SLC6A4: variants seen among roughly 807,000 people sequenced by gnomAD.
SLC6A4 encodes sodium-dependent serotonin transporter.
SLC6A4 carries 22 observed loss-of-function variants against 73.4 expected under a neutral mutation model. That is an observed-to-expected ratio of 0.30 (90% CI 0.21 to 0.43). The LOEUF (loss-of-function observed/expected upper bound fraction) is 0.43. SLC6A4 is among the 20% of genes least tolerant of loss of function. The probability of loss-of-function intolerance (pLI) is 1.00; values close to 1 mark genes in which losing one functional copy is unlikely to be tolerated. For synonymous variants in SLC6A4, 270 were observed against 315.5 expected, an observed-to-expected ratio of 0.86 and a Z score of 1.53; for missense variants, 593 against 808.5, an observed-to-expected ratio of 0.73 and a Z score of 3.23.
intron 11 of SLC6A4, among the ~76,000 whole-genome samples, chr17:30,209,570 G>A (rs1009411034): frequency 2.0e-5 from 3 of 151,484 alleles, no homozygotes; most frequent in South Asian, 2.1e-4. Context: ...TTGCTTGAAC[G>A]AGAGGCAGAG....
intron 2 of SLC6A4, 48 bp from the exon 3 acceptor site, chr17:30,222,129 C>A: frequency 7.8e-7 from 1 of 1,289,132 alleles, no homozygotes; most frequent in South Asian, 1.4e-5. Context: ...AGACATTTTA[C>A]TCATCTTTGG....
intron 8 of SLC6A4, among the ~76,000 whole-genome samples, chr17:30,214,999 C>CCTTCCTTT (rs1906519389): frequency 7.3e-5 from 2 of 27,414 alleles, no homozygotes; most frequent in Admixed American, 5.4e-4. Flanking sequence ...TTCCTTCCTT[C>CCTTCCTTT]CTTTCTTTCT....
chr17:30,210,265 C>A (rs1166000808), intron 11 of SLC6A4, among the ~76,000 whole-genome samples: 1 of 152,136 alleles, frequency 6.6e-6, no homozygotes, highest in Non-Finnish European at 1.5e-5. Flanking sequence ...GTTTTTGAAG[C>A]CTGAAATCTA....
rs746112444 is a variant in SLC6A4 at position 30,207,208 on chromosome 17, G to T, written c.1650+524C>A. On this transcript the variant is annotated intron_variant, in intron 13 of 14. Transcript: ENST00000650711. ...ATGGTGTTAGGAGTCAGAAGGGTGG[G>T]GAACCATGGTGGGCATAGTGGCTGG... Among the ~76,000 whole-genome samples, 169 of 152,110 alleles carry T rather than the reference G, an allele frequency of 1.1e-3. 1 individual carries two copies. Among genetic ancestry groups the T allele is most frequent in the Non-Finnish European group, 2.0e-3 (136 of 68,020 alleles).
chr17:30,203,496 T>A, intron 13 of SLC6A4, 157 bp from the exon 14 acceptor site: 1 of 649,154 alleles, frequency 1.5e-6, no homozygotes, highest in Non-Finnish European at 2.6e-6. Flanking sequence ...CACACAGAAT[T>A]ACCAACTTCT....
intron 5 of SLC6A4, 146 bp downstream of exon 5, chr17:30,217,966 CCCAGCT>C: frequency 1.6e-6 from 1 of 643,826 alleles, no homozygotes; most frequent in East Asian, 2.7e-5. Context: ...GGTAGAGTTT[CCCAGCT>C]CCAAATTCTG....
intron 8 of SLC6A4, among the ~76,000 whole-genome samples, 185 bp downstream of exon 8, chr17:30,215,426 C>T (rs568044389): frequency 4.6e-5 from 7 of 152,336 alleles, no homozygotes; most frequent in Admixed American, 1.3e-4. Context: ...GGTGAAGCCA[C>T]GGCCTGGATG....
In SLC6A4 at chr17:30,211,391, G is replaced by A. The variant is rs781619709; in HGVS notation, c.1238C>T (p.Ala413Val). ...AGTGGACGCTGGCATGTTGGCTATC[G>A]CTTCTGCATACGTGATGAAGAGGAG... Reference protein sequence around the residue: ...PSLLFITYAEAIANMPASTFF... With the variant: ...PSLLFITYAEVIANMPASTFF... The change falls in exon 10 of 15, where the codon GCG becomes GTG. Residue 413 changes from alanine to valine, a missense_variant. Transcript: ENST00000650711. This position sits in a 1 kb window ranked among gnomAD's most constrained non-coding sequence, Gnocchi z 4.0. The A allele has an allele frequency of 2.4e-5, 38 of 1,613,518 alleles. No individual in the cohort carries two copies. The highest frequency in any genetic ancestry group is 5.0e-5 in the Admixed American group (3 of 59,998).
chr17:30,222,293 A>T (rs148127817), intron 2 of SLC6A4, among the ~76,000 whole-genome samples: 1 of 152,366 alleles, frequency 6.6e-6, no homozygotes, highest in African/African-American at 2.4e-5. Flanking sequence ...AAGTAATTTC[A>T]AAAGGAAACA....
At chr17:30,220,369 C>T (rs1381126920) in intron 3 of SLC6A4, among the ~76,000 whole-genome samples, 1 of 152,198 alleles carries the variant, frequency 6.6e-6, no homozygotes, top group Admixed American at 6.5e-5. Flanking sequence ...TTCCCCACTG[C>T]TCTGCTCTCC....
chr17:30,230,110 A>G (rs938727801), intron 1 of SLC6A4, among the ~76,000 whole-genome samples: 2,364 of 127,090 alleles, frequency 0.019, 93 homozygotes, highest in African/African-American at 0.072. Context: ...AGGAAGAGGA[A>G]GAGGAAGAGG....
intron 13 of SLC6A4, chr17:30,204,365 T>C (rs567364958): frequency 6.6e-6 from 1 of 152,260 alleles, no homozygotes; most frequent in South Asian, 2.1e-4. Flanking sequence ...TTCTGAGCGG[T>C]GCTATCTTAA....
At chr17:30,208,829 T>C (rs1433513345) in intron 12 of SLC6A4, among the ~76,000 whole-genome samples, 1 of 151,982 alleles carries the variant, frequency 6.6e-6, no homozygotes, top group Admixed American at 6.6e-5. Context: ...GTAGCTGAGA[T>C]TACAGGCTTG....
chr17:30,210,623 G>A lies in SLC6A4; in HGVS notation c.1341C>T (p.Ile447=), dbSNP rs1906357013. Residue 447 remains isoleucine, a synonymous_variant, in exon 11 of 15, where the codon ATC becomes ATT. Coordinates refer to ENST00000650711, the MANE Select transcript of SLC6A4 (RefSeq NM_001045.6). ...GTGGGAACTCATCCAGCACAGCCGT[G>A]ATCACCCCCTCCAAGCCTGCAAACT... ...DSTFAGLEGV[I]TAVLDEFPHV... is the part of the protein sequence containing the mutation. 1 of 1,612,920 alleles carries A rather than the reference G, an allele frequency of 6.2e-7. No homozygotes were observed. Among genetic ancestry groups the A allele is most frequent in the African/African-American group, 1.3e-5 (1 of 74,908 alleles).
intron 13 of SLC6A4, 182 bp from the exon 14 acceptor site, chr17:30,203,521 A>C: frequency 1.7e-6 from 1 of 590,626 alleles, no homozygotes; most frequent in South Asian, 2.1e-5. Context: ...CCAAGCTGCA[A>C]GACTACACCA....
intron 12 of SLC6A4, among the ~76,000 whole-genome samples, 155 bp from the exon 13 acceptor site, chr17:30,207,987 G>C (rs1034231540): frequency 3.3e-5 from 5 of 152,278 alleles, no homozygotes; most frequent in African/African-American, 7.2e-5. Context: ...GGACACACAG[G>C]GTAGCTCTGG....
At chr17:30,231,917 G>A (rs1224804810) in intron 1 of SLC6A4, among the ~76,000 whole-genome samples, 3 of 152,230 alleles carry the variant, frequency 2.0e-5, no homozygotes, top group South Asian at 2.1e-4. Context: ...AGAAGAGAGC[G>A]AAAGTAGAAG....
chr17:30,230,411 C>T (rs765189821), intron 1 of SLC6A4, among the ~76,000 whole-genome samples: 3 of 152,144 alleles, frequency 2.0e-5, no homozygotes, highest in Non-Finnish European at 4.4e-5. Flanking sequence ...AAGTAAAAAT[C>T]GAGATAGAAC....
At chr17:30,208,106 G>A (rs1274903389) in intron 12 of SLC6A4, among the ~76,000 whole-genome samples, 2 of 152,148 alleles carry the variant, frequency 1.3e-5, no homozygotes, top group Non-Finnish European at 2.9e-5. Context: ...TTCTACATAG[G>A]GTGGGAGGAC....
Sources: allele counts gnomAD v4.1 joint callset (sites outside exome capture counted in the v4.1 genomes callset), GRCh38; gene constraint gnomAD v4.1.1; non-coding constraint Gnocchi (gnomAD v3.1); transcripts MANE v1.5; gene names NCBI Gene and HGNC (gene_info 2026-07-23, HGNC 2026-07-21).